Variants in CSMD1 observed in about 807,000 individuals in gnomAD.
CSMD1 encodes CUB and sushi domain-containing protein 1.
A neutral mutation model predicts 417.5 loss-of-function variants in CSMD1; 213 were observed. That is an observed-to-expected ratio of 0.51 (90% confidence interval 0.46 to 0.57). The LOEUF (loss-of-function observed/expected upper bound fraction) is 0.57, where lower values mean the gene tolerates loss of function less well. Among genes scored for constraint, CSMD1 ranks in the 20% least tolerant of loss-of-function variants. CSMD1 has a pLI of 0.00. For missense variants in CSMD1, 6,923 were observed against 4,529.7 expected, an observed-to-expected ratio of 1.53 and a Z score of -15.17; for synonymous variants, 2,862 against 1,736.8, an observed-to-expected ratio of 1.65 and a Z score of -16.11.
intron 10 of CSMD1, among the ~76,000 whole-genome samples, chr8:3,547,862 T>G (rs114603947): frequency 0.012 from 1,804 of 152,306 alleles, 42 homozygotes; most frequent in African/African-American, 0.041. Flanking sequence ...GCTAGGTCAT[T>G]TTTTAAAATG....
At chr8:3,023,133 A>T (rs1319374855) in intron 51 of CSMD1, among the ~76,000 whole-genome samples, 1 of 152,214 alleles carries the variant, frequency 6.6e-6, no homozygotes, top group Non-Finnish European at 1.5e-5. Flanking sequence ...GACGAAATAC[A>T]TCTGCTGATA....
At chr8:3,733,084 C>G (rs1252127760) in intron 6 of CSMD1, among the ~76,000 whole-genome samples, 1 of 151,514 alleles carries the variant, frequency 6.6e-6, no homozygotes, top group Non-Finnish European at 1.5e-5. Context: ...ATAAAAGTGA[C>G]ACAAACTTTA....
chr8:4,729,389 G>GA (rs1180596068), intron 1 of CSMD1, among the ~76,000 whole-genome samples: 4 of 152,106 alleles, frequency 2.6e-5, no homozygotes, highest in Non-Finnish European at 4.4e-5. Context: ...TGGAAGAAAT[G>GA]AAAAAAGGGG....
At chr8:3,879,544 T>C (rs1432496437) in intron 5 of CSMD1, among the ~76,000 whole-genome samples, 1 of 152,186 alleles carries the variant, frequency 6.6e-6, no homozygotes, top group Non-Finnish European at 1.5e-5. Flanking sequence ...CGCTACAGTC[T>C]ACTTTGTCAT....
intron 1 of CSMD1, among the ~76,000 whole-genome samples, chr8:4,738,832 T>C (rs1810412210): frequency 6.6e-6 from 1 of 151,912 alleles, no homozygotes; most frequent in African/African-American, 2.4e-5. Flanking sequence ...AGATGGAGAA[T>C]AGAAAAAATA....
chr8:3,455,496 G>T (rs6991403), intron 12 of CSMD1, among the ~76,000 whole-genome samples: 1 of 152,034 alleles, frequency 6.6e-6, no homozygotes, highest in Non-Finnish European at 1.5e-5. Context: ...TTTTGGTGTG[G>T]ATGTCCTTTC....
chr8:4,236,039 G>GTTTT (rs869245155), intron 3 of CSMD1, among the ~76,000 whole-genome samples: 14 of 31,678 alleles, frequency 4.4e-4, no homozygotes, highest in African/African-American at 8.9e-4. Context: ...TTTTTTGTTT[G>GTTTT]TTTTTTTTTT....
At chr8:3,293,731 A>AT (rs200959828) in intron 25 of CSMD1, among the ~76,000 whole-genome samples, 13 of 151,896 alleles carry the variant, frequency 8.6e-5, no homozygotes, top group African/African-American at 2.7e-4. Context: ...CATTCGTTTA[A>AT]TTTTTTTTAC....
intron 37 of CSMD1, among the ~76,000 whole-genome samples, chr8:3,179,085 C>T (rs1003865034): frequency 5.3e-5 from 8 of 150,710 alleles, no homozygotes; most frequent in East Asian, 2.0e-4. Context: ...GCAGCTGGGA[C>T]TACAGGCCCG....
intron 10 of CSMD1, among the ~76,000 whole-genome samples, chr8:3,567,365 G>T (rs1006132589): frequency 6.6e-6 from 1 of 151,308 alleles, no homozygotes; most frequent in African/African-American, 2.4e-5. Context: ...AAACCACCAT[G>T]GCACAAGTTT....
chr8:4,382,387 G>C (rs1334585360), intron 3 of CSMD1, among the ~76,000 whole-genome samples: 1 of 152,166 alleles, frequency 6.6e-6, no homozygotes, highest in Non-Finnish European at 1.5e-5. Context: ...ATTCCGGAGA[G>C]GAGCGCATGG....
intron 1 of CSMD1, among the ~76,000 whole-genome samples, chr8:4,911,260 A>C (rs1585311894): frequency 6.6e-6 from 1 of 152,258 alleles, no homozygotes; most frequent in Admixed American, 6.5e-5. Context: ...TTTGTCCACC[A>C]GTCGTAATTT....
intron 23 of CSMD1, among the ~76,000 whole-genome samples, chr8:3,309,585 A>ATTTC (rs1247868084): frequency 2.1e-5 from 3 of 142,858 alleles, no homozygotes; most frequent in Admixed American, 8.0e-5. Context: ...ACAGTAACAT[A>ATTTC]TTTCTATTCA....
chr8:3,369,373 T>TA lies in CSMD1; in HGVS notation c.2783-4dup. Reference sequence around the variant, plus strand: ...TTGGATGTAGCCTCCACATAGAGCTTAAAATAATAAAGAGAGATGATTACA... The same window carrying TA: ...TTGGATGTAGCCTCCACATAGAGCTTAAAAATAATAAAGAGAGATGATTACA... On this transcript the variant is annotated splice_region_variant and splice_polypyrimidine_tract_variant and intron_variant, in intron 18 of 69. Coordinates refer to ENST00000635120, the MANE Select transcript of CSMD1 (RefSeq NM_033225.6). The TA allele has an allele frequency of 7.1e-7, 1 of 1,403,748 alleles. No homozygotes were observed. The highest frequency in any genetic ancestry group is 1.0e-6 in the Non-Finnish European group (1 of 992,460). The allele number at this position is 1,403,748 out of a possible 1,614,324, so 87.0% of individuals were successfully genotyped here.
At chr8:3,516,339 G>C (rs943428181) in intron 10 of CSMD1, among the ~76,000 whole-genome samples, 6 of 152,210 alleles carry the variant, frequency 3.9e-5, no homozygotes, top group African/African-American at 1.2e-4. Flanking sequence ...CAGATGAATA[G>C]ACTTCTTCCA....
At chr8:3,701,029 CG>C (rs774590314) in intron 7 of CSMD1, among the ~76,000 whole-genome samples, 4 of 150,116 alleles carry the variant, frequency 2.7e-5, no homozygotes, top group Non-Finnish European at 4.4e-5. Flanking sequence ...TGGGATATGT[CG>C]GGGGGCAGTC....
chr8:3,378,018 G>C (rs1186959640), intron 18 of CSMD1, among the ~76,000 whole-genome samples: 1 of 152,216 alleles, frequency 6.6e-6, no homozygotes. Flanking sequence ...TCAAGGCTGA[G>C]TGTGACCTGG....
At chr8:2,950,671 T>A (rs539403976) in intron 66 of CSMD1, among the ~76,000 whole-genome samples, 31 of 152,276 alleles carry the variant, frequency 2.0e-4, no homozygotes, top group African/African-American at 7.0e-4. Flanking sequence ...TAAAAATACA[T>A]CACAGAATTA....
In CSMD1 at chr8:4,783,710, C is replaced by T. The variant is rs192045123; in HGVS notation, c.86-146152G>A. Among the ~76,000 whole-genome samples, 43 of 152,256 alleles carry T rather than the reference C, an allele frequency of 2.8e-4. No homozygotes were observed. The East Asian group carries it at 4.3e-3, about 15-fold the overall frequency. On this transcript the variant is annotated intron_variant, in intron 1 of 69. Transcript: ENST00000635120. ...ACTCAGAAGGGTGTCAATTATTCATCCTCCAAACTTGAGTGGAAACTGCAA... is the reference window on the plus strand; with the variant it reads ...ACTCAGAAGGGTGTCAATTATTCATTCTCCAAACTTGAGTGGAAACTGCAA...
Sources: gnomAD v4.1 joint callset for allele counts (sites outside exome capture counted in the v4.1 genomes callset) on GRCh38, gnomAD v4.1.1 for gene constraint, MANE v1.5 for transcripts, NCBI Gene and HGNC (gene_info 2026-07-23, HGNC 2026-07-21) for gene names.